TTBK2: variants seen among roughly 807,000 people sequenced by gnomAD.
TTBK2 encodes the protein tau tubulin kinase 2.
In TTBK2, 28 loss-of-function variants were observed where a neutral mutation model predicts 110.8. That is an observed-to-expected ratio of 0.25 (90% confidence interval 0.19 to 0.35). The LOEUF (loss-of-function observed/expected upper bound fraction) is 0.35. TTBK2 is among the 10% of genes least tolerant of loss of function. TTBK2 has a pLI of 1.00. For missense variants in TTBK2, 1,369 were observed against 1,500.3 expected, an observed-to-expected ratio of 0.91 and a Z score of 1.45; for synonymous variants, 532 against 527.3, an observed-to-expected ratio of 1.01 and a Z score of -0.12.
chr15:42,814,925 T>G (rs1464692909), intron 7 of TTBK2, among the ~76,000 whole-genome samples: 2 of 152,220 alleles, frequency 1.3e-5, no homozygotes, highest in African/African-American at 4.8e-5. Context: ...TAGAGGACAC[T>G]GTGCTGGAAA....
At chr15:42,842,461 G>C (rs1383650165) in intron 3 of TTBK2, among the ~76,000 whole-genome samples, 2 of 152,130 alleles carry the variant, frequency 1.3e-5, no homozygotes, top group African/African-American at 4.8e-5. Flanking sequence ...TATGAGGGCA[G>C]ACAGCCTTTG....
intron 14 of TTBK2, 64 bp from the exon 15 acceptor site, chr15:42,746,321 A>C (rs1566996775): frequency 4.0e-6 from 5 of 1,239,254 alleles, no homozygotes; most frequent in Non-Finnish European, 4.5e-6. Context: ...AAAAAGTCAC[A>C]ATGTCCCAAA....
At chr15:42,868,862 AAAATAAATAAAT>A (rs138092138) in intron 3 of TTBK2, among the ~76,000 whole-genome samples, 22 of 146,112 alleles carry the variant, frequency 1.5e-4, no homozygotes, top group African/African-American at 4.1e-4. Context: ...CCTTGTCTCA[AAAATAAATAAAT>A]AAATAAATAA....
chr15:42,772,217 C>T (rs2140738113), intron 13 of TTBK2, among the ~76,000 whole-genome samples: 1 of 151,446 alleles, frequency 6.6e-6, no homozygotes, highest in South Asian at 2.1e-4. Flanking sequence ...GGAATGCATT[C>T]TCTTCACCTC....
chr15:42,812,787 G>T (rs1443208715), intron 7 of TTBK2, among the ~76,000 whole-genome samples: 2 of 151,926 alleles, frequency 1.3e-5, no homozygotes, highest in African/African-American at 4.8e-5. Flanking sequence ...AACCCAACCA[G>T]ATTTGGAAAA....
At chr15:42,869,302 T>G (rs1894514707) in intron 3 of TTBK2, among the ~76,000 whole-genome samples, 1 of 151,712 alleles carries the variant, frequency 6.6e-6, no homozygotes, top group African/African-American at 2.4e-5. Context: ...TCGCCCAGAC[T>G]GGTCTCAAAT....
Position 42,868,455 on chromosome 15 carries a change from G to A in TTBK2, c.217+4156C>T, listed in dbSNP as rs890907160. Among the ~76,000 whole-genome samples, 6 of 152,100 alleles carry A rather than the reference G, an allele frequency of 3.9e-5. No homozygotes were observed. The South Asian group carries it at 1.0e-3, about 26-fold the overall frequency. On this transcript the variant is annotated intron_variant, in intron 3 of 14. Transcript: ENST00000267890. Reference sequence around the variant, plus strand: ...GGAGTACATGCATGTGTGAGGGCAGGCAATATATAGGATACCTCTATACTT... The same window carrying A: ...GGAGTACATGCATGTGTGAGGGCAGACAATATATAGGATACCTCTATACTT...
chr15:42,786,088 A>G (rs1432467902), intron 10 of TTBK2, among the ~76,000 whole-genome samples: 1 of 151,320 alleles, frequency 6.6e-6, no homozygotes, highest in African/African-American at 2.4e-5. Context: ...TTACAAGGAT[A>G]TAATCTAGAA....
intron 3 of TTBK2, among the ~76,000 whole-genome samples, chr15:42,860,002 A>G (rs937830793): frequency 1.1e-4 from 17 of 152,174 alleles, no homozygotes; most frequent in Admixed American, 1.3e-4. Context: ...AAAGTATCTG[A>G]GCTTGAGGAT....
chr15:42,913,418 TCA>T, intron 1 of TTBK2, among the ~76,000 whole-genome samples: 1 of 152,092 alleles, frequency 6.6e-6, no homozygotes, highest in East Asian at 1.9e-4. Flanking sequence ...GGCGGGCGGA[TCA>T]CGGGGTCAGG....
intron 1 of TTBK2, among the ~76,000 whole-genome samples, chr15:42,879,262 T>C (rs745451914): frequency 2.0e-5 from 3 of 152,020 alleles, no homozygotes; most frequent in Non-Finnish European, 4.4e-5. Context: ...AGATGAAAAC[T>C]GTAACCAGTC....
At chr15:42,887,099 GC>G (rs1451692051) in intron 1 of TTBK2, among the ~76,000 whole-genome samples, 10 of 152,142 alleles carry the variant, frequency 6.6e-5, no homozygotes, top group African/African-American at 2.4e-4. Flanking sequence ...TGTTTCCCTT[GC>G]CTTCATAAGT....
chr15:42,920,191 G>T (rs1290372639), intron 1 of TTBK2, among the ~76,000 whole-genome samples: 1 of 152,204 alleles, frequency 6.6e-6, no homozygotes, highest in Non-Finnish European at 1.5e-5. Flanking sequence ...TCCAAGTTCA[G>T]TGAAGACACC....
At chr15:42,843,827 T>C (rs1345738772) in intron 3 of TTBK2, among the ~76,000 whole-genome samples, 1 of 151,392 alleles carries the variant, frequency 6.6e-6, no homozygotes, top group Non-Finnish European at 1.5e-5. Context: ...ATTGCTATTG[T>C]GAAACCTAAG....
At chr15:42,763,506 G>C (rs763369610) in intron 13 of TTBK2, among the ~76,000 whole-genome samples, 1 of 151,692 alleles carries the variant, frequency 6.6e-6, no homozygotes, top group South Asian at 2.1e-4. Flanking sequence ...GAGCCACTGC[G>C]TCTGGCCCAA....
chr15:42,758,956 C>T (rs2061984723), intron 13 of TTBK2, among the ~76,000 whole-genome samples: 1 of 152,228 alleles, frequency 6.6e-6, no homozygotes, highest in South Asian at 2.1e-4. Flanking sequence ...TCCCACCCAC[C>T]CATGAGCCAA....
intron 1 of TTBK2, among the ~76,000 whole-genome samples, chr15:42,909,349 C>G (rs2030612523): frequency 6.6e-6 from 1 of 152,206 alleles, no homozygotes; most frequent in Admixed American, 6.5e-5. Context: ...CCTTCAAAGT[C>G]AGTAGTATAG....
chr15:42,789,292 C>T (rs144862516), intron 10 of TTBK2, among the ~76,000 whole-genome samples: 149 of 90,794 alleles, frequency 1.6e-3, no homozygotes, highest in South Asian at 0.01. Flanking sequence ...AATATATATA[C>T]GTGTGTGTGT....
chr15:42,741,859 G>A lies in TTBK2; in HGVS notation c.*3936C>T, dbSNP rs1245826084. On this transcript the variant is annotated 3_prime_UTR_variant, in exon 15 of 15. Transcript: ENST00000267890. The stretch of plus-strand genomic sequence containing the variant: ...TCGTATCACCAATTCCTAATGTTAG[G>A]AATGTAGAACTGTCTGCTCTTGGGG... 2 of 152,010 alleles carry A rather than the reference G, an allele frequency of 1.3e-5. No individual in the cohort carries two copies. The allele number at this position is 152,010 out of a possible 1,614,324, so 9.4% of individuals were successfully genotyped here.
Sources: gnomAD v4.1 joint callset for allele counts (sites outside exome capture counted in the v4.1 genomes callset) on GRCh38, gnomAD v4.1.1 for gene constraint, MANE v1.5 for transcripts, NCBI Gene and HGNC (gene_info 2026-07-23, HGNC 2026-07-21) for gene names.